Variants in UGT1A6 observed in about 807,000 individuals in gnomAD.
UGT1A6 encodes the protein UDP glucuronosyltransferase family 1 member A6, also known as UDP-glucuronosyltransferase 1A6.
In UGT1A6, 32 loss-of-function variants were observed where a neutral mutation model predicts 44.4. That is an observed-to-expected ratio of 0.72 (90% CI 0.54 to 0.97). The LOEUF is 0.97. Ranked by LOEUF, UGT1A6 falls within the 50% of genes least tolerant of loss-of-function variation. The pLI is 0.00. For missense variants in UGT1A6, 685 were observed against 661.9 expected (o/e 1.03, Z -0.38); for synonymous variants, 238 against 248.5 (o/e 0.96, Z 0.40).
Position 233,693,435 on chromosome 2 carries a change from T to C in UGT1A6, c.431T>C (p.Phe144Ser), listed in dbSNP as rs2075153037. 3 of 1,614,160 alleles carry C rather than the reference T, an allele frequency of 1.9e-6. No individual in the cohort carries two copies. The highest frequency in any genetic ancestry group is 2.5e-6 in the Non-Finnish European group (3 of 1,180,024). Reference protein sequence around the residue: ...DTLNFFKESKFDALFTDPALP... With the variant: ...DTLNFFKESKSDALFTDPALP... ...CTGAACTTCTTTAAGGAGAGCAAGT[T>C]TGATGCTCTTTTCACAGACCCAGCC... is the stretch of plus-strand genomic sequence containing the variant. The change falls in exon 1 of 5, where the codon TTT (phenylalanine) becomes TCT (serine). Residue 144 changes from phenylalanine (F) to serine (S), a missense_variant. Coordinates refer to ENST00000305139, the MANE Select transcript of UGT1A6 (RefSeq NM_001072.4).
chr2:233,761,456 C>A (rs938437013), intron 1 of UGT1A6, among the ~76,000 whole-genome samples: 1 of 152,214 alleles, frequency 6.6e-6, no homozygotes, highest in African/African-American at 2.4e-5. Context: ...GGGTTTGGGG[C>A]ACCCTGCAGA....
chr2:233,727,709 GC>G (rs369344030), intron 1 of UGT1A6, among the ~76,000 whole-genome samples: 1 of 152,290 alleles, frequency 6.6e-6, no homozygotes, highest in African/African-American at 2.4e-5. Context: ...AGTTCCCAAA[GC>G]CCTTGCAGAC....
At chr2:233,763,400 C>G (rs1260538739) in intron 1 of UGT1A6, among the ~76,000 whole-genome samples, 3 of 152,186 alleles carry the variant, frequency 2.0e-5, no homozygotes, top group African/African-American at 7.2e-5. Context: ...CAACATGGCA[C>G]TGGTATTTTT....
chr2:233,768,334 A>G lies in UGT1A6; in HGVS notation c.1196A>G (p.Asn399Ser). 6.2e-7 allele frequency: 1 copy of G among 1,614,208 alleles called. No homozygotes were observed. The highest frequency in any genetic ancestry group is 8.5e-7 in the Non-Finnish European group (1 of 1,180,040). Reference protein sequence around the residue: ...MMPLFGDQMDNAKRMETKGAG... With the variant: ...MMPLFGDQMDSAKRMETKGAG... ...CCCTTGTTTGGTGATCAGATGGACA[A>G]TGCAAAGCGCATGGAGACTAAGGGA... The change falls in exon 4 of 5, where the codon AAT becomes AGT. Residue 399 changes from asparagine (N) to serine (S), a missense_variant. Physicochemically the swap from Asn to Ser is conservative, Grantham distance 46. Transcript: ENST00000305139.
At position 233,693,522 on chromosome 2, in the gene UGT1A6, G is replaced by T; in HGVS notation, c.518G>T (p.Gly173Val). The change falls in exon 1 of 5, where the codon GGT (glycine) becomes GTT (valine). Residue 173 changes from glycine (G) to valine (V), a missense_variant. Gly to Val is a moderately radical substitution (Grantham distance 109). Transcript: ENST00000305139. ...LGLPSVYLFR[G>V]FPCSLEHTFS... ...CTACCATCTGTGTACCTCTTCAGGG[G>T]TTTTCCGTGTTCCCTGGAGCATACA... The T allele has an allele frequency of 4.3e-6, 7 of 1,614,162 alleles. No individual in the cohort carries two copies. Among genetic ancestry groups the T allele is most frequent in the Non-Finnish European group, 5.1e-6 (6 of 1,180,018 alleles).
intron 1 of UGT1A6, among the ~76,000 whole-genome samples, chr2:233,710,181 C>T (rs1477662266): frequency 6.6e-6 from 1 of 152,106 alleles, no homozygotes; most frequent in Admixed American, 6.5e-5. Context: ...TATTGATGGA[C>T]ATGTGGATAG....
At chr2:233,701,908 G>A (rs1360609190) in intron 1 of UGT1A6, among the ~76,000 whole-genome samples, 2 of 151,992 alleles carry the variant, frequency 1.3e-5, no homozygotes. Context: ...ATCTAAAATT[G>A]ACACCCTAAC....
At chr2:233,694,063 AG>A (rs2075198328) in intron 1 of UGT1A6, among the ~76,000 whole-genome samples, 198 bp downstream of exon 1, 1 of 152,226 alleles carries the variant, frequency 6.6e-6, no homozygotes. Context: ...GGATGAAGAC[AG>A]GGCTCATGCT....
chr2:233,729,753 A>C (rs1211638875), intron 1 of UGT1A6: 1 of 1,613,964 alleles, frequency 6.2e-7, no homozygotes, highest in Non-Finnish European at 8.5e-7. Flanking sequence ...CATTCATGCA[A>C]AGGGTCAAGA....
At chr2:233,726,649 CTTAAT>C (rs898700171) in intron 1 of UGT1A6, among the ~76,000 whole-genome samples, 5 of 152,174 alleles carry the variant, frequency 3.3e-5, no homozygotes, top group Non-Finnish European at 7.3e-5. Context: ...TCTTAAAACT[CTTAAT>C]TTAATCATAT....
chr2:233,703,365 T>A (rs919646381), intron 1 of UGT1A6, among the ~76,000 whole-genome samples: 2 of 152,170 alleles, frequency 1.3e-5, no homozygotes, highest in Non-Finnish European at 2.9e-5. Context: ...AACTTTAGGT[T>A]TATCAATTTT....
chr2:233,700,968 T>C (rs2075602743), intron 1 of UGT1A6, among the ~76,000 whole-genome samples: 1 of 150,460 alleles, frequency 6.6e-6, no homozygotes, highest in South Asian at 2.1e-4. Flanking sequence ...GAACATGCGG[T>C]GTTTGATTTT....
In UGT1A6 at chr2:233,755,421, C is replaced by T. The variant is rs774443994; in HGVS notation, c.862-11613C>T. 197 of 321,386 alleles carry T rather than the reference C, an allele frequency of 6.1e-4. 1 individual carries two copies. The highest frequency in any genetic ancestry group is 1.9e-3 in the Admixed American group (45 of 23,834). 19.9% of individuals were successfully genotyped at this position (321,386 alleles called of 1,614,324 possible). On this transcript the variant is annotated intron_variant, in intron 1 of 4. Transcript: ENST00000305139. ...TCTCATTGGCCGAGGCCTGTGAGCG[C>T]CTCGCATCCCAAGATGCAGTGCTCC... is the stretch of plus-strand genomic sequence containing the variant.
chr2:233,718,621 T>C (rs1199442857), intron 1 of UGT1A6: 10 of 887,970 alleles, frequency 1.1e-5, no homozygotes, highest in Middle Eastern at 1.2e-3. Flanking sequence ...ATAGGCGTGA[T>C]TGGTCTTTCC....
chr2:233,750,414 G>GC (rs765395041), intron 1 of UGT1A6, among the ~76,000 whole-genome samples: 4 of 151,922 alleles, frequency 2.6e-5, no homozygotes, highest in Non-Finnish European at 5.9e-5. Flanking sequence ...CCATGTGGTA[G>GC]AAAAGAAAAA....
In UGT1A6 at chr2:233,769,245, A is replaced by G. The variant is rs1485950559; in HGVS notation, c.1301+806A>G. 6.6e-6 allele frequency among the ~76,000 whole-genome samples: 1 copy of G among 152,268 alleles called. No homozygotes were observed. The highest frequency in any genetic ancestry group is 2.4e-5 in the African/African-American group (1 of 41,474). The stretch of plus-strand genomic sequence containing the variant: ...ATAAGAGCAAAGGAAAATTTGCTCA[A>G]ATGTGGCCCTGAAAACGATTCAAAG... On this transcript the variant is annotated intron_variant, in intron 4 of 4. Transcript: ENST00000305139. The surrounding 1 kb of genome is among the most constrained non-coding windows in gnomAD (Gnocchi z 4.4).
chr2:233,719,624 G>A (rs3732217), intron 1 of UGT1A6: 109,088 of 1,613,632 alleles, frequency 0.068, 3,778 homozygotes, highest in East Asian at 0.17. Context: ...ACCCCAGGCC[G>A]ATCATGCCCA....
At chr2:233,750,678 C>T (rs1368928453) in intron 1 of UGT1A6, 1 of 151,600 alleles carries the variant, frequency 6.6e-6, no homozygotes, top group Admixed American at 6.5e-5. Context: ...CCCAGTGGCT[C>T]CAGCCATGGC....
intron 1 of UGT1A6, among the ~76,000 whole-genome samples, chr2:233,748,701 G>A (rs1009365045): frequency 6.6e-6 from 1 of 151,652 alleles, no homozygotes; most frequent in Non-Finnish European, 1.5e-5. Context: ...TTCTGGTCAG[G>A]ATTTGGGGTC....
Sources: gnomAD v4.1 joint callset for allele counts (sites outside exome capture counted in the v4.1 genomes callset) on GRCh38, gnomAD v4.1.1 for gene constraint, Gnocchi (gnomAD v3.1) non-coding constraint, MANE v1.5 for transcripts, NCBI Gene and HGNC (gene_info 2026-07-23, HGNC 2026-07-21) for gene names.